Variants in CAMK2D observed in about 807,000 individuals in gnomAD.
CAMK2D encodes calcium/calmodulin-dependent protein kinase type II subunit delta.
A neutral mutation model predicts 84.0 loss-of-function variants in CAMK2D; 37 were observed. The observed-to-expected ratio is 0.44, with a 90% CI of 0.34 to 0.58. The LOEUF (loss-of-function observed/expected upper bound fraction) is 0.58. Among genes scored for constraint, CAMK2D ranks in the 20% least tolerant of loss-of-function variants. The probability of loss-of-function intolerance (pLI) is 0.02; values close to 1 mark genes in which losing one functional copy is unlikely to be tolerated. For missense variants in CAMK2D, 448 were observed against 652.5 expected, an observed-to-expected ratio of 0.69 and a Z score of 3.41; for synonymous variants, 202 against 212.5, an observed-to-expected ratio of 0.95 and a Z score of 0.43.
At chr4:113,458,131 C>T (rs1277008515) in intron 18 of CAMK2D, among the ~76,000 whole-genome samples, 3 of 152,180 alleles carry the variant, frequency 2.0e-5, no homozygotes, top group African/African-American at 7.2e-5. Context: ...CTGACTCCTC[C>T]ACATACTAGA....
chr4:113,463,459 C>T (rs1465745805), intron 17 of CAMK2D, among the ~76,000 whole-genome samples: 2 of 152,160 alleles, frequency 1.3e-5, no homozygotes, highest in Non-Finnish European at 2.9e-5. Context: ...TCACCGCAAC[C>T]TCTGCCTCCT....
intron 7 of CAMK2D, among the ~76,000 whole-genome samples, chr4:113,537,060 A>G (rs550195298): frequency 6.6e-6 from 1 of 152,342 alleles, no homozygotes; most frequent in East Asian, 1.9e-4. Flanking sequence ...TAATCCTCTA[A>G]TTAATGCTTA....
intron 6 of CAMK2D, among the ~76,000 whole-genome samples, chr4:113,541,746 T>C (rs1359504850): frequency 1.3e-5 from 2 of 152,192 alleles, no homozygotes; most frequent in Non-Finnish European, 2.9e-5. Flanking sequence ...AATCTCACTC[T>C]TTTAACAGAA....
rs561501392 is a variant in CAMK2D, at chr4:113,457,712, G to T, written c.1307-149C>A. The T allele has an allele frequency of 1.2e-3, 736 of 635,316 alleles. 2 individuals carry two copies. The highest frequency in any genetic ancestry group is 1.8e-3 in the Non-Finnish European group (663 of 364,980). 39.4% of individuals were successfully genotyped at this position (635,316 alleles called of 1,614,324 possible). ...ATTAATCTACTATTTGTACTAATTG[G>T]GTACTGGGCACTGTACAAAGCAAAA... is the stretch of plus-strand genomic sequence containing the variant. On this transcript the variant is annotated intron_variant, in intron 18 of 20. Coordinates refer to ENST00000511664, the MANE Select transcript of CAMK2D (RefSeq NM_001321571.2).
At chr4:113,569,037 G>GAAA (rs2098739460) in intron 4 of CAMK2D, among the ~76,000 whole-genome samples, 1 of 151,330 alleles carries the variant, frequency 6.6e-6, no homozygotes, top group African/African-American at 2.4e-5. Flanking sequence ...TATTCTATAG[G>GAAA]TTATCTTTTC....
intron 16 of CAMK2D, among the ~76,000 whole-genome samples, chr4:113,499,073 G>C (rs2097989894): frequency 1.3e-5 from 2 of 152,068 alleles, no homozygotes; most frequent in African/African-American, 2.4e-5. Flanking sequence ...ATTTAGCTTA[G>C]CTTAAAGAGC....
intron 16 of CAMK2D, among the ~76,000 whole-genome samples, chr4:113,493,334 C>G (rs576901049): frequency 0.038 from 5,699 of 151,522 alleles, 293 homozygotes; most frequent in African/African-American, 0.12. Context: ...GTAAGGCAGG[C>G]CTGGTGGTGA....
chr4:113,645,760 G>C (rs1038196217), intron 3 of CAMK2D, among the ~76,000 whole-genome samples: 2 of 152,042 alleles, frequency 1.3e-5, no homozygotes, highest in Non-Finnish European at 2.9e-5. Flanking sequence ...TCTGCTTTCT[G>C]GAGTATCATC....
chr4:113,597,455 C>G (rs1381245654), intron 4 of CAMK2D, among the ~76,000 whole-genome samples: 1 of 152,198 alleles, frequency 6.6e-6, no homozygotes, highest in South Asian at 2.1e-4. Flanking sequence ...ACAACCTCTG[C>G]TAGCTTTCCT....
intron 2 of CAMK2D, among the ~76,000 whole-genome samples, chr4:113,726,774 T>C (rs985653231): frequency 1.3e-5 from 2 of 152,092 alleles, no homozygotes; most frequent in Non-Finnish European, 2.9e-5. Context: ...TATTAGGTAA[T>C]TGAATTAAAC....
chr4:113,590,114 A>C lies in CAMK2D; in HGVS notation c.275+19038T>G, dbSNP rs547053405. 3.1e-4 allele frequency among the ~76,000 whole-genome samples: 47 copies of C among 152,340 alleles called. No homozygotes were observed. In the South Asian group the frequency reaches 9.7e-3, roughly 32 times the overall value. ...ACCAGCACTGTACCAGCTACATAAA[A>C]AAACACTAAATGTATCTGTTGAATG... On this transcript the variant is annotated intron_variant, in intron 4 of 20. Transcript: ENST00000511664.
intron 3 of CAMK2D, among the ~76,000 whole-genome samples, chr4:113,613,066 TTTTCTATTTAA>T (rs1421557571): frequency 6.6e-6 from 1 of 152,130 alleles, no homozygotes; most frequent in Non-Finnish European, 1.5e-5. Context: ...ATGATAGAAG[TTTTCTATTTAA>T]TTCCTCATTT....
chr4:113,500,551 A>C, intron 15 of CAMK2D, 40 bp from the exon 16 acceptor site: 1 of 1,412,514 alleles, frequency 7.1e-7, no homozygotes, highest in Non-Finnish European at 9.9e-7. Flanking sequence ...GCACGCAATG[A>C]ATAGCTTGAT....
intron 12 of CAMK2D, among the ~76,000 whole-genome samples, chr4:113,512,837 C>T (rs1478426323): frequency 6.6e-6 from 1 of 152,234 alleles, no homozygotes; most frequent in African/African-American, 2.4e-5. Context: ...TCCCAAAGTG[C>T]TGGGATTACA....
At chr4:113,509,617 A>C (rs1484423239) in intron 13 of CAMK2D, 21 bp downstream of exon 13, 1 of 1,514,198 alleles carries the variant, frequency 6.6e-7, no homozygotes, top group African/African-American at 1.4e-5. Flanking sequence ...GAAATGGATT[A>C]GGGGCATCTG....
At chr4:113,550,055 A>C (rs143580445) in intron 5 of CAMK2D, among the ~76,000 whole-genome samples, 18 of 152,238 alleles carry the variant, frequency 1.2e-4, no homozygotes, top group Non-Finnish European at 2.2e-4. Flanking sequence ...TCTTGGGAAT[A>C]ACAGAAGATA....
chr4:113,631,887 T>G (rs1247619114), intron 3 of CAMK2D, among the ~76,000 whole-genome samples: 1 of 152,082 alleles, frequency 6.6e-6, no homozygotes, highest in East Asian at 1.9e-4. Flanking sequence ...AATGTGTCCT[T>G]ATAGAGTTTA....
intron 7 of CAMK2D, among the ~76,000 whole-genome samples, chr4:113,533,209 A>T (rs954147832): frequency 6.6e-6 from 1 of 152,118 alleles, no homozygotes; most frequent in Non-Finnish European, 1.5e-5. Flanking sequence ...GAATACCAGC[A>T]TGCTCATTCT....
chr4:113,549,912 A>G (rs1381843129), intron 5 of CAMK2D, among the ~76,000 whole-genome samples: 1 of 152,146 alleles, frequency 6.6e-6, no homozygotes, highest in Non-Finnish European at 1.5e-5. Flanking sequence ...TGTTGACTAC[A>G]TTGTTTATTT....
Sources: gnomAD v4.1 joint callset for allele counts (sites outside exome capture counted in the v4.1 genomes callset) on GRCh38, gnomAD v4.1.1 for gene constraint, MANE v1.5 for transcripts, NCBI Gene and HGNC (gene_info 2026-07-23, HGNC 2026-07-21) for gene names.